The following SGK2 variants were observed in gnomAD, a reference collection of about 807,000 sequenced individuals.
The protein encoded by SGK2 is serum/glucocorticoid regulated kinase 2.
SGK2 carries 36 observed loss-of-function variants against 47.5 expected under a neutral mutation model. The ratio of observed to expected loss-of-function variants is 0.76; its 90% CI spans 0.58 to 1.00. SGK2 has a LOEUF of 1.00. SGK2 is among the 50% of genes least tolerant of loss of function. The pLI is 0.00. For missense variants in SGK2, 404 were observed against 467.4 expected (o/e 0.86, Z 1.25); for synonymous variants, 157 against 181.9 (o/e 0.86, Z 1.10).
intron 1 of SGK2, among the ~76,000 whole-genome samples, chr20:43,562,319 G>A (rs765031228): frequency 4.7e-5 from 7 of 149,616 alleles, no homozygotes; most frequent in African/African-American, 7.4e-5. Context: ...TCAGGAGGCT[G>A]AGGTGGGAGA....
chr20:43,559,102 G>T lies in SGK2; in HGVS notation c.-81G>T, dbSNP rs1216216321. 6.6e-6 allele frequency: 1 copy of T among 152,292 alleles called. No homozygotes were observed. The highest frequency in any genetic ancestry group is 1.9e-4 in the East Asian group (1 of 5,182). 9.4% of individuals were successfully genotyped at this position (152,292 alleles called of 1,614,324 possible). The stretch of plus-strand genomic sequence containing the variant: ...GAAGGACCATGAAGAGAGAGAAGAG[G>T]GCAGAGCCGTGCATGGGGCTGCTCC... On this transcript the variant is annotated 5_prime_UTR_variant, in exon 1 of 13. Transcript: ENST00000373100.
chr20:43,579,643 A>G (rs1001330441), intron 11 of SGK2, among the ~76,000 whole-genome samples: 2 of 152,164 alleles, frequency 1.3e-5, no homozygotes, highest in African/African-American at 2.4e-5. Flanking sequence ...CCAAGCTCCC[A>G]CTGGTACTCC....
chr20:43,570,058 AAG>A (rs1386846460), intron 6 of SGK2, among the ~76,000 whole-genome samples: 1 of 152,192 alleles, frequency 6.6e-6, no homozygotes, highest in African/African-American at 2.4e-5. Flanking sequence ...GAATGATGCT[AAG>A]AGGGGGGTTT....
chr20:43,561,118 AG>A (rs1979350932), intron 1 of SGK2, among the ~76,000 whole-genome samples: 1 of 152,242 alleles, frequency 6.6e-6, no homozygotes, highest in Admixed American at 6.5e-5. Context: ...AATCAGTACA[AG>A]CCTCTCCAAG....
chr20:43,572,207 C>T lies in SGK2; in HGVS notation c.597+70C>T. ...GGCCACAGCTCCTGATTAGAGCCAA[C>T]AGGTTACAGTGAAGGGGACTCACTC... is the stretch of plus-strand genomic sequence containing the variant. On this transcript the variant is annotated intron_variant, in intron 9 of 12. Transcript: ENST00000373100. This position sits in a 1 kb window ranked among gnomAD's most constrained non-coding sequence, Gnocchi z 4.2. The T allele has an allele frequency of 1.7e-6, 2 of 1,170,186 alleles. No homozygotes were observed. Among genetic ancestry groups the T allele is most frequent in the South Asian group, 2.6e-5 (2 of 75,628 alleles). The allele number at this position is 1,170,186 out of a possible 1,614,324, so 72.5% of individuals were successfully genotyped here.
intron 6 of SGK2, 65 bp from the exon 7 acceptor site, chr20:43,570,552 G>A (rs967819398): frequency 9.4e-7 from 1 of 1,060,854 alleles, no homozygotes. Flanking sequence ...AGGGCGGGGA[G>A]CAGGTGCACC....
chr20:43,576,751 C>T (rs1980484709), intron 11 of SGK2, among the ~76,000 whole-genome samples: 1 of 152,190 alleles, frequency 6.6e-6, no homozygotes, highest in Non-Finnish European at 1.5e-5. Context: ...ACCAGCCTGG[C>T]CAACATGGTG....
intron 11 of SGK2, among the ~76,000 whole-genome samples, 180 bp downstream of exon 11, chr20:43,576,559 T>G (rs1980475042): frequency 6.6e-6 from 1 of 150,744 alleles, no homozygotes; most frequent in East Asian, 1.9e-4. Flanking sequence ...GTTCTCTTAG[T>G]CAATCAATAT....
Position 43,576,229 on chromosome 20 carries a change from CT to C in SGK2, c.701del (p.Phe234SerfsTer62), listed in dbSNP as rs1265679340. Reference protein sequence around the residue: ...LYEMLHGLPPFYSQDVSQMYE... With the variant: ...LYEMLHGLPPXYSQDVSQMYE... ...TGTTCTCCCTCTCTCCCCAGCCGCC[CT>C]TCTACAGCCAAGATGTATCCCAGAT... On this transcript the variant is annotated frameshift_variant, in exon 11 of 13. Transcript: ENST00000373100. LOFTEE classifies it high-confidence loss of function. 1 of 1,613,896 alleles carries C rather than the reference CT, an allele frequency of 6.2e-7. No homozygotes were observed. The highest frequency in any genetic ancestry group is 2.2e-5 in the East Asian group (1 of 44,888).
At chr20:43,566,430 C>G (rs1388897484) in intron 1 of SGK2, 43 bp from the exon 2 acceptor site, 2 of 1,614,134 alleles carry the variant, frequency 1.2e-6, no homozygotes, top group Non-Finnish European at 1.7e-6. Flanking sequence ...AGCTGACCCC[C>G]CAACACCAAC....
intron 6 of SGK2, among the ~76,000 whole-genome samples, 193 bp from the exon 7 acceptor site, chr20:43,570,424 C>CTCT (rs775322332): frequency 4.7e-4 from 71 of 152,364 alleles, no homozygotes; most frequent in Non-Finnish European, 9.0e-4. Context: ...GCTAACTCAT[C>CTCT]TCTTCTTCTG....
chr20:43,563,410 T>C (rs1435701238), intron 1 of SGK2, among the ~76,000 whole-genome samples: 2 of 152,074 alleles, frequency 1.3e-5, no homozygotes, highest in African/African-American at 4.8e-5. Flanking sequence ...TTCAGAGAAG[T>C]TGAATAAGAT....
At chr20:43,562,382 C>T (rs988856813) in intron 1 of SGK2, among the ~76,000 whole-genome samples, 4 of 133,318 alleles carry the variant, frequency 3.0e-5, no homozygotes, top group Admixed American at 1.7e-4. Flanking sequence ...CACTCCACTA[C>T]ACTCTAACCT....
intron 12 of SGK2, among the ~76,000 whole-genome samples, chr20:43,584,430 A>G (rs916975380): frequency 7.2e-5 from 11 of 152,112 alleles, no homozygotes; most frequent in Admixed American, 1.3e-4. Context: ...GCCCCAGTCA[A>G]TCTCCACCAT....
At position 43,570,748 on chromosome 20, in the gene SGK2, TCA is replaced by T; in HGVS notation, c.473+20_473+21del. 1 of 1,578,904 alleles carries T rather than the reference TCA, an allele frequency of 6.3e-7. No individual in the cohort carries two copies. The highest frequency in any genetic ancestry group is 8.7e-7 in the Non-Finnish European group (1 of 1,149,836). On this transcript the variant is annotated intron_variant, in intron 7 of 12. Transcript: ENST00000373100. ...TTTACAGGTGAGGCCTGCCTGTGGC[TCA>T]GAGCCAGGACCAAGCCCTTCTTGCT...
chr20:43,573,823 G>A (rs1980303256), intron 9 of SGK2, among the ~76,000 whole-genome samples: 1 of 152,186 alleles, frequency 6.6e-6, no homozygotes, highest in Non-Finnish European at 1.5e-5. Context: ...GCGCCCCAAA[G>A]CCTGACAGTC....
rs142178354 is a variant in SGK2, at chr20:43,561,802, T to C, written c.-24+2643T>C. ...CACCGTGGCTTTTCATAGAGAAAGA[T>C]TGTAGTGGGTAAATGGAGAAGCAGG... On this transcript the variant is annotated intron_variant, in intron 1 of 12. Transcript: ENST00000373100. 1.2e-4 allele frequency among the ~76,000 whole-genome samples: 18 copies of C among 151,254 alleles called. 1 individual carries two copies. Among genetic ancestry groups the C allele is most frequent in the African/African-American group, 3.6e-4 (15 of 41,282 alleles).
At chr20:43,564,450 G>A (rs1035639679) in intron 1 of SGK2, among the ~76,000 whole-genome samples, 15 of 152,148 alleles carry the variant, frequency 9.9e-5, no homozygotes, top group Non-Finnish European at 1.9e-4. Context: ...CACAGGGTTC[G>A]TATACACAGG....
chr20:43,585,161 T>C lies in SGK2; in HGVS notation c.*145T>C. 2.7e-6 allele frequency: 2 copies of C among 750,220 alleles called. No homozygotes were observed. Among genetic ancestry groups the C allele is most frequent in the Non-Finnish European group, 2.1e-6 (1 of 480,276 alleles). The allele number at this position is 750,220 out of a possible 1,614,324, so 46.5% of individuals were successfully genotyped here. ...CAGCACATAAAAGAAAAATAATGTT[T>C]CGGAGTCCAGGACTGGCAGGACAGG... On this transcript the variant is annotated 3_prime_UTR_variant, in exon 13 of 13. Transcript: ENST00000373100.
Sources: allele counts gnomAD v4.1 joint callset (sites outside exome capture counted in the v4.1 genomes callset), GRCh38; gene constraint gnomAD v4.1.1; non-coding constraint Gnocchi (gnomAD v3.1); transcripts MANE v1.5; gene names NCBI Gene and HGNC (gene_info 2026-07-23, HGNC 2026-07-21).